The following ZNF99 variants were observed in gnomAD, a reference collection of about 807,000 sequenced individuals.
ZNF99 encodes zinc finger protein 99.
In ZNF99, 8 loss-of-function variants were observed where a neutral mutation model predicts 12.8. The ratio of observed to expected loss-of-function variants is 0.62; its 90% CI spans 0.37 to 1.13. ZNF99 has a LOEUF of 1.13. ZNF99 is among the 50% of genes most tolerant of loss of function. The probability of loss-of-function intolerance (pLI) is 0.02; values close to 1 mark genes in which losing one functional copy is unlikely to be tolerated. For synonymous variants in ZNF99, 318 were observed against 319.0 expected, an observed-to-expected ratio of 1.00 and a Z score of 0.03; for missense variants, 1,007 against 1,006.2, an observed-to-expected ratio of 1.00 and a Z score of -0.01.
chr19:22,772,309 A>G (rs2145154419), intron 1 of ZNF99, among the ~76,000 whole-genome samples: 1 of 152,346 alleles, frequency 6.6e-6, no homozygotes, highest in African/African-American at 2.4e-5. Context: ...GGTACAAGTT[A>G]TAGTGTCCAG....
At chr19:22,783,067 G>A (rs947436719) in intron 1 of ZNF99, among the ~76,000 whole-genome samples, 3 of 152,010 alleles carry the variant, frequency 2.0e-5, no homozygotes, top group Non-Finnish European at 2.9e-5. Context: ...ATCACCTGAC[G>A]TCGGGAGTTC....
rs569253176 is a variant in ZNF99 at position 22,756,574 on chromosome 19, G to T, written c.*740C>A. 2 of 1,593,580 alleles carry T rather than the reference G, an allele frequency of 1.3e-6. No individual in the cohort carries two copies. Among genetic ancestry groups the T allele is most frequent in the Non-Finnish European group, 8.5e-7 (1 of 1,173,658 alleles). ...TCCAGTATGAATTGATTTATGTTTA[G>T]TAAGGTGTGAGGATTGCTTAAAAGC... On this transcript the variant is annotated 3_prime_UTR_variant, in exon 4 of 4. Transcript: ENST00000596209.
intron 1 of ZNF99, among the ~76,000 whole-genome samples, chr19:22,780,453 G>A (rs1433504289): frequency 6.6e-6 from 1 of 152,200 alleles, no homozygotes; most frequent in East Asian, 1.9e-4. Flanking sequence ...AGCACTTTGG[G>A]AGGCTGAGGC....
chr19:22,759,316 TC>T lies in ZNF99; in HGVS notation c.592del (p.Glu198ArgfsTer24). On this transcript the variant is annotated frameshift_variant, in exon 4 of 4. Coordinates refer to ENST00000596209, the MANE Select transcript of ZNF99 (RefSeq NM_001080409.3). LOFTEE classifies it low-confidence loss of function (END_TRUNC). ...LIQHKRIHTR[E>X]NIYKCEERGK... is the part of the protein sequence containing the mutation. ...ACGTTCTTCACATTTGTAGATATTC[TC>T]TCTAGTATGAATTCTCTTATGTTGA... The T allele has an allele frequency of 1.9e-6, 3 of 1,548,922 alleles. No homozygotes were observed. The highest frequency in any genetic ancestry group is 2.6e-6 in the Non-Finnish European group (3 of 1,147,830).
rs1437799973 is a variant in ZNF99 at position 22,757,156 on chromosome 19, T to A, written c.*158A>T. ...TCTCCCCAGTATGAACTGCTTTATGTCTAGTAAGGTGTGAGGACTGCTTAA... is the reference window on the plus strand; with the variant it reads ...TCTCCCCAGTATGAACTGCTTTATGACTAGTAAGGTGTGAGGACTGCTTAA... On this transcript the variant is annotated 3_prime_UTR_variant, in exon 4 of 4. Coordinates refer to ENST00000596209, the MANE Select transcript of ZNF99 (RefSeq NM_001080409.3). 2.5e-6 allele frequency: 4 copies of A among 1,612,816 alleles called. No homozygotes were observed. Among genetic ancestry groups the A allele is most frequent in the African/African-American group, 1.3e-5 (1 of 74,788 alleles).
In ZNF99 at chr19:22,757,842, G is replaced by C; in HGVS notation, c.2067C>G (p.Phe689Leu). Reference sequence around the variant, plus strand: ...TTATCTTATGTTTCCTAAGGGCTGAGAAATGGTTAAAAGCCTTGCCACATT... The same window carrying C: ...TTATCTTATGTTTCCTAAGGGCTGACAAATGGTTAAAAGCCTTGCCACATT... ...CEECGKAFNH[F>L]SALRKHKIIH... The change falls in exon 4 of 4, where the codon TTC becomes TTG. Residue 689 changes from phenylalanine (F) to leucine (L), a missense_variant. By Grantham distance (22) the Phe-to-Leu change is conservative (BLOSUM62 0). Transcript: ENST00000596209. The C allele has an allele frequency of 6.2e-7, 1 of 1,611,678 alleles. No individual in the cohort carries two copies. The highest frequency in any genetic ancestry group is 1.3e-5 in the African/African-American group (1 of 74,618).
rs1377258194 is a variant in ZNF99 at position 22,759,231 on chromosome 19, G to A, written c.678C>T (p.Asp226=). The change falls in exon 4 of 4, where the codon GAC becomes GAT. Residue 226 remains aspartate (D), a synonymous_variant. Coordinates refer to ENST00000596209, the MANE Select transcript of ZNF99 (RefSeq NM_001080409.3). ...LIKHKIIHTE[D]KPYKYKKCGK... ...CACATTTCTTATATTTGTAGGGTTT[G>A]TCTTCAGTATGAATTATCTTATGTT... is the stretch of plus-strand genomic sequence containing the variant. 1.3e-6 allele frequency: 2 copies of A among 1,559,564 alleles called. No individual in the cohort carries two copies. Among genetic ancestry groups the A allele is most frequent in the Non-Finnish European group, 1.7e-6 (2 of 1,152,822 alleles).
intron 1 of ZNF99, among the ~76,000 whole-genome samples, chr19:22,780,352 C>G (rs2145161651): frequency 6.6e-6 from 1 of 152,292 alleles, no homozygotes; most frequent in African/African-American, 2.4e-5. Context: ...ACAAAAGTAT[C>G]TATTCTTTTC....
At chr19:22,768,754 C>T (rs150211267) in intron 2 of ZNF99, among the ~76,000 whole-genome samples, 4 of 152,056 alleles carry the variant, frequency 2.6e-5, no homozygotes, top group South Asian at 2.1e-4. Flanking sequence ...CCTTTCTGGC[C>T]GGGCATGGTG....
In ZNF99 at chr19:22,784,127, T is replaced by A; in HGVS notation, c.-111A>T. 1 of 1,276,528 alleles carries A rather than the reference T, an allele frequency of 7.8e-7. No individual in the cohort carries two copies. The highest frequency in any genetic ancestry group is 1.4e-5 in the South Asian group (1 of 73,382). The allele number at this position is 1,276,528 out of a possible 1,614,324, so 79.1% of individuals were successfully genotyped here. On this transcript the variant is annotated 5_prime_UTR_variant, in exon 1 of 4. Coordinates refer to ENST00000596209, the MANE Select transcript of ZNF99 (RefSeq NM_001080409.3). ...GAGCAGTAAAAACGAGATCCGGAGC[T>A]CCAGCTGGAACCAGAAACAACGGCC...
In ZNF99 at chr19:22,759,296, C is replaced by G; in HGVS notation, c.613G>C (p.Glu205Gln). The G allele has an allele frequency of 6.5e-7, 1 of 1,549,890 alleles. No homozygotes were observed. The highest frequency in any genetic ancestry group is 1.2e-5 in the South Asian group (1 of 84,208). ...AACCATTTAAAGGCTTTGCCACGTTCTTCACATTTGTAGATATTCTCTCTA... is the reference window on the plus strand; with the variant it reads ...AACCATTTAAAGGCTTTGCCACGTTGTTCACATTTGTAGATATTCTCTCTA... ...HTRENIYKCE[E>Q]RGKAFKWFST... The change falls in exon 4 of 4, where the codon GAA (glutamate) becomes CAA (glutamine). Residue 205 changes from glutamate to glutamine, a missense_variant. Glu to Gln is a conservative substitution (Grantham distance 29). Transcript: ENST00000596209.
rs1217232522 is a variant in ZNF99, at chr19:22,755,423, A to T, written c.*1891T>A. The stretch of plus-strand genomic sequence containing the variant: ...TTATGTTCAGTAAGGTTTGAGGACC[A>T]GTTAAAAGTTTTGCCACACTCTTCA... On this transcript the variant is annotated 3_prime_UTR_variant, in exon 4 of 4. Transcript: ENST00000596209. 3.4e-6 allele frequency: 1 copy of T among 296,438 alleles called. No individual in the cohort carries two copies. The allele number at this position is 296,438 out of a possible 1,614,324, so 18.4% of individuals were successfully genotyped here. A position where few individuals can be genotyped will look rare whatever the true frequency, so the allele number is the denominator to read the frequency against.
At position 22,782,522 on chromosome 19, in the gene ZNF99, T is replaced by C. The variant is rs531421815; in HGVS notation, c.3+1492A>G. ...AGGTACAGGCATGTGCCACCACACCTGGCTAATTTTTGTATTTTTAGTAGA... is the reference window on the plus strand; with the variant it reads ...AGGTACAGGCATGTGCCACCACACCCGGCTAATTTTTGTATTTTTAGTAGA... On this transcript the variant is annotated intron_variant, in intron 1 of 3. Coordinates refer to ENST00000596209, the MANE Select transcript of ZNF99 (RefSeq NM_001080409.3). Among the ~76,000 whole-genome samples the C allele has an allele frequency of 2.6e-5, 4 of 151,670 alleles. No individual in the cohort carries two copies. In the South Asian group the frequency reaches 8.3e-4, roughly 32 times the overall value.
At chr19:22,769,999 C>G (rs1290897546) in intron 1 of ZNF99, 1 of 1,352,388 alleles carries the variant, frequency 7.4e-7, no homozygotes, top group South Asian at 1.2e-5. Context: ...TTAGAAGACA[C>G]CTCTCAAATT....
intron 1 of ZNF99, among the ~76,000 whole-genome samples, chr19:22,783,474 G>T (rs1160514602): frequency 6.6e-6 from 1 of 152,086 alleles, no homozygotes; most frequent in Non-Finnish European, 1.5e-5. Context: ...ACTGAATTTG[G>T]TTTTCTTCAT....
Position 22,754,079 on chromosome 19 carries a change from G to A in ZNF99, c.*3235C>T, listed in dbSNP as rs987283541. The A allele has an allele frequency of 4.4e-5, 20 of 454,782 alleles. No homozygotes were observed. The highest frequency in any genetic ancestry group is 1.8e-4 in the African/African-American group (9 of 49,780). The allele number at this position is 454,782 out of a possible 1,614,324, so 28.2% of individuals were successfully genotyped here. ...ATTAAAAACTTTGCCACATTCGACC[G>A]GGCTCAATGGCTCATGCTTGTAATC... On this transcript the variant is annotated 3_prime_UTR_variant, in exon 4 of 4. Coordinates refer to ENST00000596209, the MANE Select transcript of ZNF99 (RefSeq NM_001080409.3).
chr19:22,779,301 G>A (rs1250897634), intron 1 of ZNF99, among the ~76,000 whole-genome samples: 5 of 152,046 alleles, frequency 3.3e-5, no homozygotes, highest in East Asian at 1.9e-4. Flanking sequence ...TGAGGCAGGC[G>A]GATCAAAAGG....
rs1228000756 is a variant in ZNF99, at chr19:22,753,149, A to AT, written c.*4164dup. On this transcript the variant is annotated 3_prime_UTR_variant, in exon 4 of 4. Coordinates refer to ENST00000596209, the MANE Select transcript of ZNF99 (RefSeq NM_001080409.3). ...CCTTATTTGCTTTTCAGAGTCTGTA[A>AT]TTTTTTTCAATATTGTGATGTTAAT... 6.6e-6 allele frequency: 1 copy of AT among 151,892 alleles called. No individual in the cohort carries two copies. The highest frequency in any genetic ancestry group is 1.5e-5 in the Non-Finnish European group (1 of 67,930). The allele number at this position is 151,892 out of a possible 1,614,324, so 9.4% of individuals were successfully genotyped here. A position where few individuals can be genotyped will look rare whatever the true frequency, so the allele number is the denominator to read the frequency against.
rs747283042 is a variant in ZNF99 at position 22,769,251 on chromosome 19, T to G, written c.77A>C (p.Gln26Pro). 4 of 1,610,154 alleles carry G rather than the reference T, an allele frequency of 2.5e-6. No individual in the cohort carries two copies. In the South Asian group the frequency reaches 4.4e-5, roughly 18 times the overall value. Residue 26 changes from glutamine (Q) to proline (P), a missense_variant, in exon 2 of 4, where the codon CAG becomes CCG. Gln to Pro is a moderately conservative substitution (Grantham distance 76). Coordinates refer to ENST00000596209, the MANE Select transcript of ZNF99 (RefSeq NM_001080409.3). ...EEWQCLDMAQQNLYRNVMLEN... is the reference protein window; with the variant it reads ...EEWQCLDMAQPNLYRNVMLEN... The stretch of plus-strand genomic sequence containing the variant: ...TAACATAACATTCCTATATAAATTC[T>G]GCTGAGCCATGTCCAGGCATTGCCA...
Sources: allele counts gnomAD v4.1 joint callset (sites outside exome capture counted in the v4.1 genomes callset), GRCh38; gene constraint gnomAD v4.1.1; transcripts MANE v1.5; gene names NCBI Gene and HGNC (gene_info 2026-07-23, HGNC 2026-07-21).